NUP205: variants seen among roughly 807,000 people sequenced by gnomAD.
NUP205 encodes nuclear pore complex protein Nup205.
Under a neutral mutation model 253.8 loss-of-function variants are expected in NUP205, and 76 were observed. The ratio of observed to expected loss-of-function variants is 0.30; its 90% CI spans 0.25 to 0.36. The LOEUF (loss-of-function observed/expected upper bound fraction) is 0.36. Among genes scored for constraint, NUP205 ranks in the 10% least tolerant of loss-of-function variants. The pLI, the probability that NUP205 is intolerant of heterozygous loss-of-function variation, is 1.00. For missense variants in NUP205, 2,162 were observed against 2,425.5 expected (o/e 0.89, Z 2.28); for synonymous variants, 832 against 850.1 (o/e 0.98, Z 0.37).
At chr7:135,560,289 C>T (rs142155951) in intron 1 of NUP205, among the ~76,000 whole-genome samples, 12 of 152,298 alleles carry the variant, frequency 7.9e-5, no homozygotes, top group Non-Finnish European at 1.3e-4. Flanking sequence ...AGCCACTGTG[C>T]CTGGCCTATA....
intron 42 of NUP205, 38 bp downstream of exon 42, chr7:135,646,269 T>A: frequency 6.9e-7 from 1 of 1,456,774 alleles, no homozygotes; most frequent in Non-Finnish European, 9.6e-7. Context: ...TTTTTCTTCA[T>A]TAAAGTAAAA....
intron 2 of NUP205, 53 bp downstream of exon 2, chr7:135,571,300 A>T (rs529816038): frequency 3.0e-4 from 356 of 1,176,636 alleles, no homozygotes; most frequent in Non-Finnish European, 3.8e-4. Flanking sequence ...TTTAAGATCG[A>T]GGAAGGAAGT....
chr7:135,573,645 T>C lies in NUP205; in HGVS notation c.172-9T>C, dbSNP rs758730041. 3.2e-5 allele frequency: 52 copies of C among 1,604,134 alleles called. No individual in the cohort carries two copies. The highest frequency in any genetic ancestry group is 4.1e-5 in the Non-Finnish European group (48 of 1,176,034). On this transcript the variant is annotated splice_polypyrimidine_tract_variant and intron_variant, in intron 2 of 42. Coordinates refer to ENST00000285968, the MANE Select transcript of NUP205 (RefSeq NM_015135.3). ...TATTTTCATAACAATTACAATTTTA[T>C]CATTGTAGCCAAAAAATGTTCAACA...
Position 135,625,386 on chromosome 7 carries a change from C to G in NUP205, c.4671+31C>G, listed in dbSNP as rs984453324. Reference sequence around the variant, plus strand: ...GCTTTCTAGACATTTGATGTTAGATCAAGAAGTCGTTTTCTCTTGGCTATA... The same window carrying G: ...GCTTTCTAGACATTTGATGTTAGATGAAGAAGTCGTTTTCTCTTGGCTATA... On this transcript the variant is annotated intron_variant, in intron 32 of 42. Transcript: ENST00000285968. 9.3e-6 allele frequency: 14 copies of G among 1,504,330 alleles called. No individual in the cohort carries two copies. The Admixed American group carries it at 1.1e-4, about 12-fold the overall frequency. The allele number at this position is 1,504,330 out of a possible 1,614,324, so 93.2% of individuals were successfully genotyped here.
chr7:135,584,687 A>G, intron 7 of NUP205, 145 bp from the exon 8 acceptor site: 1 of 671,464 alleles, frequency 1.5e-6, no homozygotes, highest in Middle Eastern at 2.9e-4. Context: ...AGTCAATTAC[A>G]GTTATATATA....
intron 8 of NUP205, among the ~76,000 whole-genome samples, chr7:135,585,922 AAC>A (rs952711846): frequency 2.0e-5 from 3 of 152,222 alleles, no homozygotes; most frequent in African/African-American, 7.2e-5. Flanking sequence ...AAGAAACCGT[AAC>A]ACAAAGGCTG....
At chr7:135,646,283 C>A in intron 42 of NUP205, 52 bp downstream of exon 42, 1 of 1,303,124 alleles carries the variant, frequency 7.7e-7, no homozygotes, top group Non-Finnish European at 1.1e-6. Context: ...AGTAAAAGGG[C>A]TGGGTGTGAT....
chr7:135,564,701 G>C (rs1805697943), intron 1 of NUP205, among the ~76,000 whole-genome samples: 1 of 150,818 alleles, frequency 6.6e-6, no homozygotes, highest in Non-Finnish European at 1.5e-5. Context: ...CTGGCCCTTT[G>C]ATGCTATGTT....
chr7:135,574,993 G>C (rs1355888660), intron 3 of NUP205, among the ~76,000 whole-genome samples: 1 of 152,140 alleles, frequency 6.6e-6, no homozygotes, highest in East Asian at 1.9e-4. Flanking sequence ...CTTGAGTTTT[G>C]AGTTTAACTC....
chr7:135,607,106 A>G (rs913081507), intron 21 of NUP205, 141 bp from the exon 22 acceptor site: 19 of 1,219,884 alleles, frequency 1.6e-5, no homozygotes, highest in Admixed American at 2.6e-5. Context: ...ATCAGCCTTT[A>G]TCAATTTTCT....
chr7:135,625,123 A>G lies in NUP205; in HGVS notation c.4480-41A>G, dbSNP rs781547105. The G allele has an allele frequency of 8.1e-6, 12 of 1,479,576 alleles. No individual in the cohort carries two copies. The South Asian group carries it at 1.4e-4, about 17-fold the overall frequency. 91.7% of individuals were successfully genotyped at this position (1,479,576 alleles called of 1,614,324 possible). ...TTCAGTTACTGTTGTTGATTTTGGT[A>G]GCATCTACATGTTTTGGACTTTAAT... On this transcript the variant is annotated intron_variant, in intron 31 of 42. Coordinates refer to ENST00000285968, the MANE Select transcript of NUP205 (RefSeq NM_015135.3).
At chr7:135,565,679 A>G (rs116604437) in intron 1 of NUP205, among the ~76,000 whole-genome samples, 3,814 of 151,958 alleles carry the variant, frequency 0.025, 81 homozygotes, top group South Asian at 0.077. Context: ...TGATCTGCCC[A>G]CCTTGGCCTC....
At chr7:135,560,360 G>A (rs1246326053) in intron 1 of NUP205, among the ~76,000 whole-genome samples, 1 of 152,150 alleles carries the variant, frequency 6.6e-6, no homozygotes, top group Non-Finnish European at 1.5e-5. Flanking sequence ...ATCATTGGAG[G>A]GAAAAGGAGT....
At chr7:135,582,822 G>T (rs1487432015) in intron 7 of NUP205, among the ~76,000 whole-genome samples, 1 of 151,590 alleles carries the variant, frequency 6.6e-6, no homozygotes, top group South Asian at 2.1e-4. Flanking sequence ...CAGGCATGGC[G>T]ACTCATGCCT....
At chr7:135,597,826 C>T (rs772366335) in intron 14 of NUP205, 172 bp from the exon 15 acceptor site, 136 of 594,376 alleles carry the variant, frequency 2.3e-4, no homozygotes, top group African/African-American at 1.7e-4. Context: ...CCATCTGACT[C>T]ATCTGGATTC....
rs1584639690 is a variant in NUP205 at position 135,571,364 on chromosome 7, T to C, written c.171+117T>C. 14 of 594,994 alleles carry C rather than the reference T, an allele frequency of 2.4e-5. No homozygotes were observed. In the South Asian group the frequency reaches 3.5e-4, roughly 15 times the overall value. 36.9% of individuals were successfully genotyped at this position (594,994 alleles called of 1,614,324 possible). A position where few individuals can be genotyped will look rare whatever the true frequency, so the allele number is the denominator to read the frequency against. On this transcript the variant is annotated intron_variant, in intron 2 of 42. Transcript: ENST00000285968. ...AAATTTTTTTCAGAAATTTATTTAC[T>C]GTGCCACAGTCTCATGAGGTCCTGA...
In NUP205 at chr7:135,644,965, G is replaced by C; in HGVS notation, c.5630G>C (p.Arg1877Pro). 6.2e-7 allele frequency: 1 copy of C among 1,614,068 alleles called. No homozygotes were observed. The highest frequency in any genetic ancestry group is 8.5e-7 in the Non-Finnish European group (1 of 1,179,962). Residue 1877 changes from arginine to proline, a missense_variant, in exon 40 of 43, where the codon CGG (arginine) becomes CCG (proline). Around this residue, in one of 5 missense-constraint regions of NUP205, gnomAD observed 1,144 missense variants for 1,280.9 expected, o/e 0.89. Coordinates refer to ENST00000285968, the MANE Select transcript of NUP205 (RefSeq NM_015135.3). The part of the protein sequence containing the change: ...STAQKYVLAR[R>P]RLVKVINNRA... ...GCTCAGAAATATGTTCTAGCAAGAC[G>C]GCGCTTGGTGAAGGTGATCAACAAT...
chr7:135,567,156 A>C (rs187074683), intron 1 of NUP205, among the ~76,000 whole-genome samples: 3,820 of 94,108 alleles, frequency 0.041, 560 homozygotes, highest in South Asian at 0.12. Context: ...ATATATATAT[A>C]TATATATATA....
At chr7:135,580,742 C>G (rs181146584) in intron 7 of NUP205, among the ~76,000 whole-genome samples, 1 of 152,034 alleles carries the variant, frequency 6.6e-6, no homozygotes, top group Non-Finnish European at 1.5e-5. Context: ...GGATTACAGG[C>G]GCGAGCCACC....
Sources: allele counts gnomAD v4.1 joint callset (sites outside exome capture counted in the v4.1 genomes callset), GRCh38; gene constraint gnomAD v4.1.1; regional missense constraint gnomAD v4.1.1; transcripts MANE v1.5; gene names NCBI Gene and HGNC (gene_info 2026-07-23, HGNC 2026-07-21).